Variants in RALYL observed in about 807,000 individuals in gnomAD.
The protein encoded by RALYL is RALY RNA binding protein like.
In RALYL, 29 loss-of-function variants were observed where a neutral mutation model predicts 35.1. The ratio of observed to expected loss-of-function variants is 0.83; its 90% CI spans 0.61 to 1.13. RALYL has a LOEUF of 1.13. Among genes scored for constraint, RALYL ranks in the 50% most tolerant of loss-of-function variants. RALYL has a pLI of 0.00. For missense variants in RALYL, 359 were observed against 360.4 expected (o/e 1.00, Z 0.03); for synonymous variants, 120 against 127.6 (o/e 0.94, Z 0.40).
At position 84,415,169 on chromosome 8, in the gene RALYL, T is replaced by G. The variant is rs541214609; in HGVS notation, c.-23-114130T>G. Among the ~76,000 whole-genome samples, 66 of 152,040 alleles carry G rather than the reference T, an allele frequency of 4.3e-4. 2 individuals are homozygous for G. The South Asian group carries it at 5.4e-3, about 12-fold the overall frequency. ...CTAATATTCTGCCTCTGTTTTTTTT[T>G]TTTTTTAATGGAAGTTATTCTACTT... On this transcript the variant is annotated intron_variant, in intron 1 of 8. Transcript: ENST00000521268.
At chr8:84,305,476 A>G (rs1039235205) in intron 1 of RALYL, among the ~76,000 whole-genome samples, 1 of 152,200 alleles carries the variant, frequency 6.6e-6, no homozygotes, top group Non-Finnish European at 1.5e-5. Context: ...ATTACTTAAA[A>G]ATTTGTATAG....
At chr8:84,569,554 A>G (rs913115070) in intron 2 of RALYL, among the ~76,000 whole-genome samples, 5 of 151,674 alleles carry the variant, frequency 3.3e-5, no homozygotes, top group Non-Finnish European at 7.4e-5. Context: ...TACTCTGGTG[A>G]TTATCCCTTT....
chr8:84,629,101 G>A (rs1258177293), intron 2 of RALYL, among the ~76,000 whole-genome samples: 1 of 152,008 alleles, frequency 6.6e-6, no homozygotes, highest in Non-Finnish European at 1.5e-5. Flanking sequence ...GGCTGTTATT[G>A]AAATTGAATC....
At chr8:84,702,048 A>G (rs1207184297) in intron 2 of RALYL, among the ~76,000 whole-genome samples, 1 of 152,210 alleles carries the variant, frequency 6.6e-6, no homozygotes, top group Non-Finnish European at 1.5e-5. Flanking sequence ...GAATGATGAT[A>G]AGAATAATAA....
intron 2 of RALYL, among the ~76,000 whole-genome samples, chr8:84,554,370 A>G (rs1327595637): frequency 6.6e-6 from 1 of 152,246 alleles, no homozygotes; most frequent in Non-Finnish European, 1.5e-5. Flanking sequence ...AAGAGAAAAG[A>G]TATCAAAATA....
chr8:84,787,984 T>C (rs548847595), intron 3 of RALYL, among the ~76,000 whole-genome samples: 2 of 152,336 alleles, frequency 1.3e-5, no homozygotes, highest in African/African-American at 4.8e-5. Context: ...TTACCTCTGA[T>C]GATAGTTTCT....
rs141296684 is a variant in RALYL at position 84,327,628 on chromosome 8, G to A, written c.-24+143204G>A. Among the ~76,000 whole-genome samples the A allele has an allele frequency of 2.7e-3, 411 of 152,090 alleles. 1 individual carries two copies. Among genetic ancestry groups the A allele is most frequent in the Middle Eastern group, 6.8e-3 (2 of 294 alleles). ...AATGGCAGACTTGAGTGGTTGTGAC[G>A]GAGGTGGTATGACCCACAAAGCCCA... On this transcript the variant is annotated intron_variant, in intron 1 of 8. Coordinates refer to ENST00000521268, the MANE Select transcript of RALYL (RefSeq NM_173848.7).
chr8:84,911,059 A>C (rs978950197), intron 8 of RALYL, among the ~76,000 whole-genome samples: 55 of 152,140 alleles, frequency 3.6e-4, no homozygotes, highest in African/African-American at 1.3e-3. Flanking sequence ...TTGATATATT[A>C]GATTGAAAAA....
intron 8 of RALYL, among the ~76,000 whole-genome samples, chr8:84,917,262 A>G (rs954772580): frequency 6.6e-6 from 1 of 151,966 alleles, no homozygotes; most frequent in Non-Finnish European, 1.5e-5. Flanking sequence ...AGAATTACTG[A>G]GCAGAACAAT....
chr8:84,531,426 C>T (rs890967007), intron 2 of RALYL, among the ~76,000 whole-genome samples: 2 of 151,932 alleles, frequency 1.3e-5, no homozygotes, highest in Non-Finnish European at 2.9e-5. Flanking sequence ...TACATTGGTC[C>T]CATCGAACTT....
chr8:84,202,459 G>A (rs1452237628), intron 1 of RALYL, among the ~76,000 whole-genome samples: 4 of 140,182 alleles, frequency 2.9e-5, no homozygotes, highest in African/African-American at 7.9e-5. Flanking sequence ...TGCAACCTCC[G>A]CCTCCCGGGT....
chr8:84,578,851 G>A (rs2135936650), intron 2 of RALYL, among the ~76,000 whole-genome samples: 1 of 152,280 alleles, frequency 6.6e-6, no homozygotes, highest in East Asian at 1.9e-4. Context: ...AGCTCAAAAG[G>A]GAGGAAGTGC....
intron 7 of RALYL, among the ~76,000 whole-genome samples, chr8:84,885,307 A>AT (rs904962680): frequency 2.3e-4 from 35 of 152,104 alleles, no homozygotes; most frequent in South Asian, 4.1e-4. Flanking sequence ...GATTAAACAG[A>AT]TTTTTTTCTT....
At chr8:84,665,535 GA>G (rs1191282164) in intron 2 of RALYL, among the ~76,000 whole-genome samples, 2 of 152,046 alleles carry the variant, frequency 1.3e-5, no homozygotes, top group African/African-American at 4.8e-5. Flanking sequence ...TCAGTCTTGG[GA>G]GGGTGTATGT....
intron 1 of RALYL, among the ~76,000 whole-genome samples, chr8:84,429,602 G>A (rs1301106105): frequency 6.6e-6 from 1 of 151,890 alleles, no homozygotes; most frequent in Non-Finnish European, 1.5e-5. Context: ...TTTCTGCGGT[G>A]GTTGACTTGC....
At chr8:84,875,034 A>C (rs1181629659) in intron 7 of RALYL, among the ~76,000 whole-genome samples, 1 of 127,898 alleles carries the variant, frequency 7.8e-6, no homozygotes, top group Non-Finnish European at 1.5e-5. Context: ...TCTTAATTAA[A>C]GATTTCTATT....
intron 6 of RALYL, among the ~76,000 whole-genome samples, chr8:84,868,354 G>A (rs890458211): frequency 6.6e-6 from 1 of 152,068 alleles, no homozygotes; most frequent in Non-Finnish European, 1.5e-5. Flanking sequence ...CACCATGCCT[G>A]GCTAATTTCC....
At chr8:84,277,359 T>G (rs545221310) in intron 1 of RALYL, among the ~76,000 whole-genome samples, 3 of 152,160 alleles carry the variant, frequency 2.0e-5, no homozygotes, top group Non-Finnish European at 4.4e-5. Context: ...CCCCCATGAT[T>G]GAATTATCTC....
intron 2 of RALYL, chr8:84,665,780 A>T (rs1229484596): frequency 6.6e-6 from 1 of 151,804 alleles, no homozygotes; most frequent in Non-Finnish European, 1.5e-5. Flanking sequence ...ACACTTCACA[A>T]ATTTGCATGT....
Sources: gnomAD v4.1 joint callset for allele counts (sites outside exome capture counted in the v4.1 genomes callset) on GRCh38, gnomAD v4.1.1 for gene constraint, MANE v1.5 for transcripts, NCBI Gene and HGNC (gene_info 2026-07-23, HGNC 2026-07-21) for gene names.